Variants in TENM3 observed in about 807,000 individuals in gnomAD.
The protein encoded by TENM3 is teneurin transmembrane protein 3.
TENM3 carries 63 observed loss-of-function variants against 255.1 expected under a neutral mutation model. That is an observed-to-expected ratio of 0.25 (90% CI 0.20 to 0.30). The LOEUF (loss-of-function observed/expected upper bound fraction) is 0.30. TENM3 is among the 10% of genes least tolerant of loss of function. TENM3 has a pLI of 1.00. For synonymous variants in TENM3, 1,306 were observed against 1,322.3 expected (o/e 0.99, Z 0.27); for missense variants, 2,929 against 3,461.1 (o/e 0.85, Z 3.86).
chr4:181,848,632 GT>G, the TENM3 span, among the ~76,000 whole-genome samples: 1 of 151,874 alleles, frequency 6.6e-6, no homozygotes, highest in East Asian at 1.9e-4. Flanking sequence ...AATACTAAAG[GT>G]TTTTAGATTC....
chr4:181,865,686 C>T, the TENM3 span, among the ~76,000 whole-genome samples: 1 of 152,120 alleles, frequency 6.6e-6, no homozygotes, highest in African/African-American at 2.4e-5. Context: ...CGTTTTTTTC[C>T]ACTCTGTCTA....
At chr4:182,744,093 C>CTTTTTTTTTTTTTTTTTTTTTTTTTT (rs957977132) in intron 19 of TENM3, 4 of 389,972 alleles carry the variant, frequency 1.0e-5, no homozygotes, top group African/African-American at 3.2e-5. Context: ...ACTGTGCTTT[C>CTTTTTTTTTTTTTTTTTTTTTTTTTT]TTTTTTTTTT....
the TENM3 span, among the ~76,000 whole-genome samples, chr4:182,123,567 G>C: frequency 6.6e-6 from 1 of 152,186 alleles, no homozygotes; most frequent in Admixed American, 6.5e-5. Context: ...GGAGTAATCA[G>C]AACACACACA....
intron 3 of TENM3, among the ~76,000 whole-genome samples, chr4:182,596,818 T>C (rs1747284691): frequency 6.6e-6 from 1 of 152,210 alleles, no homozygotes; most frequent in East Asian, 1.9e-4. Flanking sequence ...TTCAGAGGTA[T>C]GTTGCAGTAA....
chr4:181,520,669 A>G, the TENM3 span, among the ~76,000 whole-genome samples: 1 of 152,148 alleles, frequency 6.6e-6, no homozygotes, highest in Admixed American at 6.5e-5. Flanking sequence ...AAAAAAATCA[A>G]TCCTGAAAGA....
rs1421072635 is a variant in TENM3, at chr4:182,561,976, A to T, written c.512-38948A>T. 2.8e-5 allele frequency among the ~76,000 whole-genome samples: 4 copies of T among 142,578 alleles called. No individual in the cohort carries two copies. In the South Asian group the frequency reaches 9.2e-4, roughly 33 times the overall value. 93.5% of individuals were successfully genotyped at this position (142,578 alleles called of 152,430 possible). A position where few individuals can be genotyped will look rare whatever the true frequency, so the allele number is the denominator to read the frequency against. ...AACAATACTGTGTATATCCAGATAG[A>T]TAGATAGACAGATAGATAGATAGAT... is the stretch of plus-strand genomic sequence containing the variant. On this transcript the variant is annotated intron_variant, in intron 3 of 27. Coordinates refer to ENST00000511685, the MANE Select transcript of TENM3 (RefSeq NM_001080477.4).
chr4:182,609,658 C>T (rs910859016), intron 4 of TENM3, among the ~76,000 whole-genome samples: 2 of 152,072 alleles, frequency 1.3e-5, no homozygotes, highest in Non-Finnish European at 2.9e-5. Flanking sequence ...ATATTGCTAC[C>T]GTCTGGTCAT....
intron 13 of TENM3, among the ~76,000 whole-genome samples, chr4:182,726,463 C>T (rs1332667834): frequency 6.6e-6 from 1 of 152,174 alleles, no homozygotes; most frequent in Non-Finnish European, 1.5e-5. Flanking sequence ...TCTATACCGG[C>T]AGCAAGGTGG....
the TENM3 span, among the ~76,000 whole-genome samples, chr4:182,107,018 A>G: frequency 2.6e-5 from 4 of 151,742 alleles, no homozygotes; most frequent in Non-Finnish European, 5.9e-5. Flanking sequence ...TGCCTGGCCC[A>G]CTCCATCTAG....
the TENM3 span, among the ~76,000 whole-genome samples, chr4:181,849,448 ATTG>A: frequency 6.6e-6 from 1 of 152,192 alleles, no homozygotes; most frequent in African/African-American, 2.4e-5. Context: ...TCATTTTCCT[ATTG>A]TTGTCACAAT....
chr4:182,488,241 G>T (rs1458067276), intron 3 of TENM3, among the ~76,000 whole-genome samples: 1 of 152,134 alleles, frequency 6.6e-6, no homozygotes, highest in Non-Finnish European at 1.5e-5. Flanking sequence ...CAGGAAAGGA[G>T]TCTAGGCTTG....
chr4:181,938,069 T>C, the TENM3 span, among the ~76,000 whole-genome samples: 1 of 152,146 alleles, frequency 6.6e-6, no homozygotes, highest in East Asian at 1.9e-4. Flanking sequence ...TTGGCTCTGG[T>C]TGTATGAATA....
At chr4:182,645,220 T>C (rs1484442405) in intron 5 of TENM3, among the ~76,000 whole-genome samples, 1 of 151,974 alleles carries the variant, frequency 6.6e-6, no homozygotes, top group Non-Finnish European at 1.5e-5. Flanking sequence ...ATTTATTTTG[T>C]CTTTAGTAAA....
chr4:182,724,443 A>G (rs1760005920), intron 13 of TENM3, among the ~76,000 whole-genome samples: 4 of 152,348 alleles, frequency 2.6e-5, no homozygotes, highest in Admixed American at 1.3e-4. Flanking sequence ...TGCTTGGGCA[A>G]GTTACTGATA....
chr4:182,524,805 C>G (rs910790420), intron 3 of TENM3, among the ~76,000 whole-genome samples: 10 of 150,006 alleles, frequency 6.7e-5, no homozygotes, highest in African/African-American at 2.2e-4. Flanking sequence ...TCCCTTACCC[C>G]CTGGAGTTTG....
intron 3 of TENM3, chr4:182,449,227 C>CGGCGGCTCCGCTTCGCTCCGGAGCCGGT (rs1554068665): frequency 0.041 from 855 of 20,958 alleles, 4 homozygotes; most frequent in Non-Finnish European, 0.047. Flanking sequence ...GCGGCGGCGG[C>CGGCGGCTCCGCTTCGCTCCGGAGCCGGT]GGCTCCGCTC....
chr4:182,311,499 A>G (rs1418055770), intron 1 of TENM3, among the ~76,000 whole-genome samples: 3 of 152,092 alleles, frequency 2.0e-5, no homozygotes, highest in Non-Finnish European at 4.4e-5. Flanking sequence ...GGTTAAGAGG[A>G]GAGATTTGGA....
chr4:181,716,654 A>G, the TENM3 span, among the ~76,000 whole-genome samples: 1 of 152,224 alleles, frequency 6.6e-6, no homozygotes, highest in Admixed American at 6.5e-5. Context: ...AATAGAGTCT[A>G]CATCAAAAGG....
chr4:182,341,945 T>C (rs563163464), intron 2 of TENM3, among the ~76,000 whole-genome samples: 1 of 152,286 alleles, frequency 6.6e-6, no homozygotes, highest in Admixed American at 6.5e-5. Flanking sequence ...GAACTCCAAG[T>C]CCCACATAAA....
Sources: gnomAD v4.1 joint callset for allele counts (sites outside exome capture counted in the v4.1 genomes callset) on GRCh38, gnomAD v4.1.1 for gene constraint, MANE v1.5 for transcripts, NCBI Gene and HGNC (gene_info 2026-07-23, HGNC 2026-07-21) for gene names.